PCDHA3: variants seen among roughly 807,000 people sequenced by gnomAD.
PCDHA3 encodes the protein protocadherin alpha-3.
A neutral mutation model predicts 62.2 loss-of-function variants in PCDHA3; 41 were observed. The observed-to-expected ratio is 0.66, with a 90% CI of 0.51 to 0.86. The LOEUF (loss-of-function observed/expected upper bound fraction) is 0.86. PCDHA3 is among the 40% of genes least tolerant of loss of function. The pLI, the probability that PCDHA3 is intolerant of heterozygous loss-of-function variation, is 0.00. For missense variants in PCDHA3, 1,304 were observed against 1,241.2 expected (o/e 1.05, Z -0.76); for synonymous variants, 640 against 555.4 (o/e 1.15, Z -2.14).
At position 140,802,211 on chromosome 5, in the gene PCDHA3, C is replaced by A; in HGVS notation, c.1014C>A (p.Leu338=). The change falls in exon 1 of 4, where the codon CTC becomes CTA. Residue 338 remains leucine, a synonymous_variant. Coordinates refer to ENST00000522353, the MANE Select transcript of PCDHA3 (RefSeq NM_018906.3). ...TGTCAGATCACTGCACAGTTCTACTCGAAATTGTGGACATCAATGATAATG... is the reference window on the plus strand; with the variant it reads ...TGTCAGATCACTGCACAGTTCTACTAGAAATTGTGGACATCAATGATAATG... ...PPMSDHCTVL[L]EIVDINDNVP... 1 of 1,614,178 alleles carries A rather than the reference C, an allele frequency of 6.2e-7. No individual in the cohort carries two copies. Among genetic ancestry groups the A allele is most frequent in the Non-Finnish European group, 8.5e-7 (1 of 1,180,030 alleles).
At chr5:140,862,533 G>C in intron 1 of PCDHA3, 1 of 435,668 alleles carries the variant, frequency 2.3e-6, no homozygotes, top group Non-Finnish European at 4.6e-6. Context: ...ACAGCCATCG[G>C]GTCCGTGGAA....
At chr5:140,979,843 A>G (rs1373380351) in intron 2 of PCDHA3, among the ~76,000 whole-genome samples, 1 of 152,246 alleles carries the variant, frequency 6.6e-6, no homozygotes, top group African/African-American at 2.4e-5. Context: ...TAATCTTCAA[A>G]CTTAAGCCCC....
In PCDHA3 at chr5:140,857,765, G is replaced by A. The variant is rs374400381; in HGVS notation, c.2394+54174G>A. The stretch of plus-strand genomic sequence containing the variant: ...GCTGGCGTCTCCCGCTGGCAGCGCG[G>A]GCGGTGCAGTCAGTGAGCTGGTGCT... On this transcript the variant is annotated intron_variant, in intron 1 of 3. Coordinates refer to ENST00000522353, the MANE Select transcript of PCDHA3 (RefSeq NM_018906.3). The A allele has an allele frequency of 6.1e-5, 98 of 1,597,608 alleles. 8 individuals are homozygous for A. In the African/African-American group the frequency reaches 1.2e-3, roughly 19 times the overall value.
chr5:140,857,649 T>G, intron 1 of PCDHA3: 1 of 1,596,586 alleles, frequency 6.3e-7, no homozygotes, highest in Non-Finnish European at 8.6e-7. Context: ...CAGTTCCAGG[T>G]GAGCGCGCGC....
chr5:140,926,199 G>C (rs541337659), intron 1 of PCDHA3, among the ~76,000 whole-genome samples: 1 of 151,790 alleles, frequency 6.6e-6, no homozygotes, highest in African/African-American at 2.4e-5. Context: ...CACTTCTTTC[G>C]GGGGGCTCCT....
chr5:140,875,529 G>T (rs369713851), intron 1 of PCDHA3: 5 of 1,613,994 alleles, frequency 3.1e-6, no homozygotes, highest in Admixed American at 1.7e-5. Context: ...TCTCGCTTCT[G>T]CTCCTTGCAG....
At chr5:140,885,110 TA>T (rs1368571784) in intron 1 of PCDHA3, among the ~76,000 whole-genome samples, 4 of 152,224 alleles carry the variant, frequency 2.6e-5, no homozygotes, top group African/African-American at 9.6e-5. Context: ...ATGCTTTTTT[TA>T]AGTGCACTTT....
At chr5:140,830,250 C>G (rs2150183440) in intron 1 of PCDHA3, 3 of 1,613,904 alleles carry the variant, frequency 1.9e-6, no homozygotes, top group Admixed American at 1.7e-5. Flanking sequence ...CTGTACACAG[C>G]GCTGCGGTGC....
At chr5:140,834,867 A>G (rs2150228348) in intron 1 of PCDHA3, 9 of 1,609,692 alleles carry the variant, frequency 5.6e-6, no homozygotes, top group Non-Finnish European at 7.6e-6. Flanking sequence ...CGATGCAGAT[A>G]TCGGGGAGAA....
intron 1 of PCDHA3, chr5:140,875,470 G>T: frequency 6.2e-7 from 1 of 1,605,786 alleles, no homozygotes; most frequent in Non-Finnish European, 8.5e-7. Context: ...CTCATTTTCT[G>T]CAATGGTGAT....
intron 3 of PCDHA3, among the ~76,000 whole-genome samples, chr5:140,998,721 C>A (rs987484967): frequency 4.6e-5 from 7 of 152,084 alleles, no homozygotes; most frequent in Admixed American, 4.6e-4. Flanking sequence ...TGCACCACCA[C>A]GCTAGGCTAA....
chr5:140,853,923 T>C lies in PCDHA3; in HGVS notation c.2394+50332T>C, dbSNP rs150827815. 226 of 917,558 alleles carry C rather than the reference T, an allele frequency of 2.5e-4. 13 individuals carry two copies. The highest frequency in any genetic ancestry group is 2.8e-4 in the Non-Finnish European group (208 of 754,762). The allele number at this position is 917,558 out of a possible 1,614,324, so 56.8% of individuals were successfully genotyped here. A position where few individuals can be genotyped will look rare whatever the true frequency, so the allele number is the denominator to read the frequency against. On this transcript the variant is annotated intron_variant, in intron 1 of 3. Coordinates refer to ENST00000522353, the MANE Select transcript of PCDHA3 (RefSeq NM_018906.3). Reference sequence around the variant, plus strand: ...TGGCCTGACACCTGCAATCCCAACATTTTGGGAGGCCAAGGTGGGAGGGTC... The same window carrying C: ...TGGCCTGACACCTGCAATCCCAACACTTTGGGAGGCCAAGGTGGGAGGGTC...
rs371906545 is a variant in PCDHA3, at chr5:140,875,244, A to C, written c.2394+71653A>C. 9 of 951,720 alleles carry C rather than the reference A, an allele frequency of 9.5e-6. No homozygotes were observed. The East Asian group carries it at 2.2e-4, about 24-fold the overall frequency. The allele number at this position is 951,720 out of a possible 1,614,324, so 59.0% of individuals were successfully genotyped here. A position where few individuals can be genotyped will look rare whatever the true frequency, so the allele number is the denominator to read the frequency against. ...TCAGGATCTTTCTTGTACTTACATA[A>C]TCAGTCACATGATGTCGCTCTACAC... On this transcript the variant is annotated intron_variant, in intron 1 of 3. Transcript: ENST00000522353.
At chr5:140,966,233 C>T (rs1554228161) in intron 1 of PCDHA3, 1 of 287,374 alleles carries the variant, frequency 3.5e-6, no homozygotes, top group Non-Finnish European at 6.4e-6. Flanking sequence ...CCTTAAAGAC[C>T]CGTTAAGCAG....
chr5:140,821,812 C>T, intron 1 of PCDHA3: 1 of 1,613,776 alleles, frequency 6.2e-7, no homozygotes, highest in Non-Finnish European at 8.5e-7. Context: ...GGGATCCCGG[C>T]TCCTGCTGCT....
chr5:140,828,368 G>T, intron 1 of PCDHA3: 1 of 1,614,288 alleles, frequency 6.2e-7, no homozygotes, highest in African/African-American at 1.3e-5. Flanking sequence ...GATCGACCGC[G>T]AGGAGCTGTG....
At chr5:140,871,488 C>G (rs370808040) in intron 1 of PCDHA3, 14 of 1,591,168 alleles carry the variant, frequency 8.8e-6, no homozygotes, top group African/African-American at 1.3e-5. Context: ...CAAATCACCC[C>G]GGACAGGTGA....
chr5:140,928,940 A>G (rs2085663832), intron 1 of PCDHA3: 1 of 1,613,944 alleles, frequency 6.2e-7, no homozygotes. Flanking sequence ...CAGAACTTGT[A>G]TTTAGTAATT....
chr5:140,960,143 T>C (rs1250145398), intron 1 of PCDHA3, among the ~76,000 whole-genome samples: 1 of 152,208 alleles, frequency 6.6e-6, no homozygotes, highest in Non-Finnish European at 1.5e-5. Context: ...TAGATATTAA[T>C]AGCTTGAGAC....
Sources: allele counts gnomAD v4.1 joint callset (sites outside exome capture counted in the v4.1 genomes callset), GRCh38; gene constraint gnomAD v4.1.1; transcripts MANE v1.5; gene names NCBI Gene and HGNC (gene_info 2026-07-23, HGNC 2026-07-21).